The following GALNT17 variants were observed in gnomAD, a reference collection of about 807,000 sequenced individuals.
GALNT17 encodes polypeptide N-acetylgalactosaminyltransferase 17.
Under a neutral mutation model 63.7 loss-of-function variants are expected in GALNT17, and 29 were observed. The ratio of observed to expected loss-of-function variants is 0.46; its 90% CI spans 0.34 to 0.62. GALNT17 has a LOEUF of 0.62. Among genes scored for constraint, GALNT17 ranks in the 20% least tolerant of loss-of-function variants. GALNT17 has a pLI of 0.01. For missense variants in GALNT17, 603 were observed against 799.6 expected, an observed-to-expected ratio of 0.75 and a Z score of 2.97; for synonymous variants, 305 against 318.3, an observed-to-expected ratio of 0.96 and a Z score of 0.45.
At chr7:71,267,367 G>GTTTTTTTTTTTTTTT (rs11297482) in intron 1 of GALNT17, among the ~76,000 whole-genome samples, 1 of 146,348 alleles carries the variant, frequency 6.8e-6, no homozygotes, top group Non-Finnish European at 1.5e-5. Context: ...GGATTTTCTA[G>GTTTTTTTTTTTTTTT]TTTTTTTTTT....
At chr7:71,468,011 A>T (rs988811001) in intron 5 of GALNT17, among the ~76,000 whole-genome samples, 2 of 152,086 alleles carry the variant, frequency 1.3e-5, no homozygotes, top group African/African-American at 4.8e-5. Flanking sequence ...GGTCTAGGGC[A>T]TTCTTTTCTC....
chr7:71,607,392 A>C (rs1459564151), intron 6 of GALNT17, among the ~76,000 whole-genome samples: 1 of 152,216 alleles, frequency 6.6e-6, no homozygotes, highest in East Asian at 1.9e-4. Flanking sequence ...ACAAAACAAT[A>C]AAGTCGTAAG....
intron 4 of GALNT17, among the ~76,000 whole-genome samples, chr7:71,418,101 G>A (rs1786575905): frequency 2.0e-5 from 3 of 152,178 alleles, no homozygotes; most frequent in African/African-American, 7.2e-5. Context: ...GGTAAGGCTG[G>A]AAGAGTACTG....
intron 1 of GALNT17, among the ~76,000 whole-genome samples, chr7:71,170,006 T>C (rs1305127189): frequency 2.6e-5 from 4 of 152,028 alleles, no homozygotes; most frequent in Non-Finnish European, 5.9e-5. Flanking sequence ...CTTGCTATGC[T>C]GTCAAGGCTG....
At chr7:71,245,481 G>A (rs1233593339) in intron 1 of GALNT17, among the ~76,000 whole-genome samples, 2 of 152,164 alleles carry the variant, frequency 1.3e-5, no homozygotes, top group African/African-American at 4.8e-5. Context: ...TGGAAAAGGG[G>A]GAGGCAGGTG....
rs550917461 is a variant in GALNT17 at position 71,436,920 on chromosome 7, C to T, written c.962+15815C>T. Among the ~76,000 whole-genome samples the T allele has an allele frequency of 1.2e-4, 19 of 152,196 alleles. 1 individual carries two copies. In the East Asian group the frequency reaches 2.7e-3, roughly 22 times the overall value. ...CCCTGACCCAACAATGGATGAATAACGTACACTGACACAGATATTCTGCTT... is the reference window on the plus strand; with the variant it reads ...CCCTGACCCAACAATGGATGAATAATGTACACTGACACAGATATTCTGCTT... On this transcript the variant is annotated intron_variant, in intron 5 of 10. Transcript: ENST00000333538.
intron 9 of GALNT17, among the ~76,000 whole-genome samples, chr7:71,708,988 C>G (rs1791755558): frequency 6.6e-6 from 1 of 152,110 alleles, no homozygotes. Context: ...TGATTGCATA[C>G]CTTTGCTATT....
chr7:71,139,395 T>G (rs11769535), intron 1 of GALNT17, among the ~76,000 whole-genome samples: 22,906 of 152,150 alleles, frequency 0.15, 2,043 homozygotes, highest in African/African-American at 0.24. Flanking sequence ...TAAGAAGAAA[T>G]GCAATCGATT....
intron 1 of GALNT17, among the ~76,000 whole-genome samples, chr7:71,299,721 G>T (rs893792404): frequency 6.6e-6 from 1 of 151,912 alleles, no homozygotes; most frequent in African/African-American, 2.4e-5. Context: ...TCCTTCCTGT[G>T]TGTCTGCTTG....
At chr7:71,708,838 C>A (rs1791753887) in intron 9 of GALNT17, among the ~76,000 whole-genome samples, 1 of 152,134 alleles carries the variant, frequency 6.6e-6, no homozygotes, top group Non-Finnish European at 1.5e-5. Context: ...TGCATTAATT[C>A]TCTTAGAATA....
chr7:71,688,282 G>A lies in GALNT17; in HGVS notation c.1500+10976G>A, dbSNP rs192335898. Among the ~76,000 whole-genome samples, 60 of 152,188 alleles carry A rather than the reference G, an allele frequency of 3.9e-4. No homozygotes were observed. In the South Asian group the frequency reaches 4.6e-3, roughly 12 times the overall value. ...GTTGTTGCTGTTGCTCTTCTGACTC[G>A]TCTTCTCTCAAAATATTCAAAATGT... On this transcript the variant is annotated intron_variant, in intron 9 of 10. Coordinates refer to ENST00000333538, the MANE Select transcript of GALNT17 (RefSeq NM_022479.3).
chr7:71,553,177 A>G (rs1789108657), intron 5 of GALNT17, among the ~76,000 whole-genome samples: 1 of 151,928 alleles, frequency 6.6e-6, no homozygotes, highest in South Asian at 2.1e-4. Flanking sequence ...AAATGCAAAA[A>G]TTATCTGAGT....
At chr7:71,560,324 C>G (rs1172097723) in intron 5 of GALNT17, among the ~76,000 whole-genome samples, 1 of 152,076 alleles carries the variant, frequency 6.6e-6, no homozygotes, top group Non-Finnish European at 1.5e-5. Flanking sequence ...CTCCTCCTTC[C>G]CTGCCTGGTC....
intron 1 of GALNT17, among the ~76,000 whole-genome samples, chr7:71,295,900 C>G (rs906090476): frequency 1.3e-5 from 2 of 151,732 alleles, no homozygotes; most frequent in Non-Finnish European, 2.9e-5. Context: ...AAGCAGGAGT[C>G]TGCCTTTCTT....
intron 1 of GALNT17, among the ~76,000 whole-genome samples, chr7:71,275,003 G>A (rs1389772707): frequency 2.0e-5 from 3 of 152,218 alleles, no homozygotes; most frequent in Non-Finnish European, 4.4e-5. Context: ...GGTCACCATA[G>A]TGGGGGCTGA....
intron 5 of GALNT17, among the ~76,000 whole-genome samples, chr7:71,484,380 C>A (rs556063514): frequency 2.6e-5 from 4 of 152,032 alleles, no homozygotes; most frequent in Admixed American, 6.6e-5. Context: ...CCCAGCTACT[C>A]GGGTGGCTGA....
At chr7:71,141,889 T>TGTGTGTGTG (rs1562856672) in intron 1 of GALNT17, among the ~76,000 whole-genome samples, 2 of 144,880 alleles carry the variant, frequency 1.4e-5, no homozygotes, top group South Asian at 2.2e-4. Context: ...TATGTGTGTA[T>TGTGTGTGTG]TTTTAGTAGA....
intron 1 of GALNT17, among the ~76,000 whole-genome samples, chr7:71,285,468 G>C (rs556870098): frequency 1.3e-5 from 2 of 152,266 alleles, no homozygotes; most frequent in South Asian, 4.1e-4. Context: ...AAGATTATCA[G>C]GCATTTCACA....
intron 1 of GALNT17, among the ~76,000 whole-genome samples, chr7:71,210,579 A>C (rs1194470614): frequency 6.6e-6 from 1 of 152,230 alleles, no homozygotes; most frequent in Admixed American, 6.5e-5. Context: ...AATTTAACTA[A>C]TAAGTAACTC....
Sources: gnomAD v4.1 joint callset for allele counts (sites outside exome capture counted in the v4.1 genomes callset) on GRCh38, gnomAD v4.1.1 for gene constraint, MANE v1.5 for transcripts, NCBI Gene and HGNC (gene_info 2026-07-23, HGNC 2026-07-21) for gene names.